The following SSBP3 variants were observed in gnomAD, a reference collection of about 807,000 sequenced individuals.
SSBP3 encodes the protein single stranded DNA binding protein 3.
In SSBP3, 5 loss-of-function variants were observed where a neutral mutation model predicts 69.6. The observed-to-expected ratio is 0.07, with a 90% CI of 0.04 to 0.15. The LOEUF is 0.15. Ranked by LOEUF, SSBP3 falls within the 10% of genes least tolerant of loss-of-function variation. The pLI is 1.00. For missense variants in SSBP3, 312 were observed against 534.0 expected, an observed-to-expected ratio of 0.58 and a Z score of 4.10; for synonymous variants, 196 against 193.4, an observed-to-expected ratio of 1.01 and a Z score of -0.11.
chr1:54,313,655 G>A (rs551849666), intron 4 of SSBP3, among the ~76,000 whole-genome samples: 9 of 152,070 alleles, frequency 5.9e-5, no homozygotes, highest in South Asian at 2.1e-4. Flanking sequence ...CCCTGCAGCC[G>A]TAGGCTGCCC....
chr1:54,379,502 G>A (rs1438984787), intron 4 of SSBP3, among the ~76,000 whole-genome samples: 6 of 152,134 alleles, frequency 3.9e-5, no homozygotes, highest in African/African-American at 1.4e-4. Context: ...TCACTGAGAC[G>A]CTTGATTTGT....
chr1:54,379,888 G>T (rs977478195), intron 4 of SSBP3, among the ~76,000 whole-genome samples: 1 of 152,150 alleles, frequency 6.6e-6, no homozygotes, highest in Admixed American at 6.5e-5. Context: ...CTTCCCACCC[G>T]CCGTTCTAAA....
chr1:54,257,340 C>T (rs139294233), intron 6 of SSBP3, 154 bp from the exon 7 acceptor site: 24 of 601,238 alleles, frequency 4.0e-5, no homozygotes, highest in Non-Finnish European at 6.4e-5. Context: ...AGCAAAACTT[C>T]CTTTGGGCAG....
At chr1:54,281,229 A>T (rs1447366034) in intron 5 of SSBP3, among the ~76,000 whole-genome samples, 1 of 152,200 alleles carries the variant, frequency 6.6e-6, no homozygotes, top group East Asian at 1.9e-4. Flanking sequence ...GCAATGCAGG[A>T]GGTTTCTGCT....
chr1:54,331,369 T>A (rs1013240826), intron 4 of SSBP3, among the ~76,000 whole-genome samples: 2 of 152,190 alleles, frequency 1.3e-5, no homozygotes, highest in African/African-American at 4.8e-5. Context: ...ATACTTGGGT[T>A]CGGGTTACAT....
chr1:54,306,951 C>CT (rs1338245607), intron 4 of SSBP3, among the ~76,000 whole-genome samples: 1 of 152,202 alleles, frequency 6.6e-6, no homozygotes, highest in Non-Finnish European at 1.5e-5. Flanking sequence ...CCTCCAACTA[C>CT]TGCTTACCTT....
chr1:54,282,612 G>A (rs1197612594), intron 4 of SSBP3, among the ~76,000 whole-genome samples: 1 of 152,212 alleles, frequency 6.6e-6, no homozygotes, highest in Non-Finnish European at 1.5e-5. Flanking sequence ...CGGCGCGTCT[G>A]TGCCTGGCCC....
At chr1:54,240,480 G>C (rs1417802542) in intron 13 of SSBP3, among the ~76,000 whole-genome samples, 9 of 124,222 alleles carry the variant, frequency 7.2e-5, no homozygotes, top group Admixed American at 6.7e-4. Flanking sequence ...AAAGGGGGGG[G>C]GGGCGGGGGG....
At chr1:54,362,324 T>G (rs1254867691) in intron 4 of SSBP3, among the ~76,000 whole-genome samples, 2 of 152,202 alleles carry the variant, frequency 1.3e-5, no homozygotes, top group Admixed American at 6.5e-5. Context: ...GCCCAATATG[T>G]GGCATCAGCC....
chr1:54,233,624 C>A (rs542158220), intron 14 of SSBP3, among the ~76,000 whole-genome samples: 6 of 128,930 alleles, frequency 4.7e-5, no homozygotes, highest in African/African-American at 1.8e-4. Flanking sequence ...CCGCCCCGTC[C>A]GGGAGGTGAG....
intron 4 of SSBP3, among the ~76,000 whole-genome samples, chr1:54,285,934 A>G (rs1337912505): frequency 6.6e-6 from 1 of 152,184 alleles, no homozygotes; most frequent in Non-Finnish European, 1.5e-5. Flanking sequence ...CATGTGTCCA[A>G]TGATGGTGTT....
Position 54,308,255 on chromosome 1 carries a change from G to A in SSBP3, c.277-26728C>T, listed in dbSNP as rs12088734. ...GATCACTTGAGGTCAGCTGGAGTTT[G>A]AGACCAGCCTGGCCAACATGGTGAA... On this transcript the variant is annotated intron_variant, in intron 4 of 17. Coordinates refer to ENST00000610401, the Ensembl canonical transcript of SSBP3. Among the ~76,000 whole-genome samples the A allele has an allele frequency of 6.9e-3, 1,047 of 152,274 alleles. 13 individuals carry two copies. Among genetic ancestry groups the A allele is most frequent in the African/African-American group, 0.024 (997 of 41,556 alleles).
upstream of SSBP3, among the ~76,000 whole-genome samples, chr1:54,410,542 C>T (rs1649961939): frequency 2.0e-5 from 3 of 152,206 alleles, no homozygotes; most frequent in African/African-American, 7.2e-5. Flanking sequence ...GCACCCGGCA[C>T]GCTCAGTCCT....
intron 5 of SSBP3, among the ~76,000 whole-genome samples, chr1:54,268,768 A>G (rs1019487246): frequency 6.6e-6 from 1 of 152,178 alleles, no homozygotes; most frequent in African/African-American, 2.4e-5. Context: ...GAGCAGGGGA[A>G]GAACCAGGAC....
intron 4 of SSBP3, among the ~76,000 whole-genome samples, chr1:54,345,787 C>G (rs1441781163): frequency 6.6e-6 from 1 of 151,708 alleles, no homozygotes; most frequent in African/African-American, 2.4e-5. Context: ...GGGCAGATTG[C>G]CTGAGCTCAG....
At chr1:54,283,866 G>A (rs1645440526) in intron 4 of SSBP3, among the ~76,000 whole-genome samples, 1 of 152,206 alleles carries the variant, frequency 6.6e-6, no homozygotes. Context: ...GGAATCGCCA[G>A]CTTATCCATT....
intron 4 of SSBP3, among the ~76,000 whole-genome samples, chr1:54,354,220 C>A (rs1309550996): frequency 3.3e-5 from 5 of 152,240 alleles, no homozygotes; most frequent in Admixed American, 1.3e-4. Flanking sequence ...AGCATCAGTG[C>A]ACCTCCCAGC....
chr1:54,347,150 T>C (rs1305370603), intron 4 of SSBP3, among the ~76,000 whole-genome samples: 1 of 152,088 alleles, frequency 6.6e-6, no homozygotes, highest in African/African-American at 2.4e-5. Context: ...AATTTTTACA[T>C]AGAGATGGGG....
intron 6 of SSBP3, 85 bp from the exon 7 acceptor site, chr1:54,257,271 G>A (rs371805619): frequency 4.7e-5 from 58 of 1,236,334 alleles, no homozygotes; most frequent in East Asian, 4.0e-4. Flanking sequence ...ACAAAGTCCA[G>A]TTTTGTTATA....
Sources: gnomAD v4.1 joint callset for allele counts (sites outside exome capture counted in the v4.1 genomes callset) on GRCh38, gnomAD v4.1.1 for gene constraint, MANE v1.5 for transcripts, NCBI Gene and HGNC (gene_info 2026-07-23, HGNC 2026-07-21) for gene names.